KIAA1217: variants seen among roughly 807,000 people sequenced by gnomAD.
KIAA1217 encodes KIAA1217.
Under a neutral mutation model 163.9 loss-of-function variants are expected in KIAA1217, and 88 were observed. The observed-to-expected ratio is 0.54, with a 90% confidence interval of 0.45 to 0.64. The LOEUF (loss-of-function observed/expected upper bound fraction) is 0.64. Ranked by LOEUF, KIAA1217 falls within the 30% of genes least tolerant of loss-of-function variation. The pLI is 0.00. For missense variants in KIAA1217, 2,372 were observed against 2,475.0 expected (o/e 0.96, Z 0.88); for synonymous variants, 903 against 923.1 (o/e 0.98, Z 0.39).
intron 2 of KIAA1217, among the ~76,000 whole-genome samples, chr10:24,139,339 A>G (rs937886409): frequency 1.1e-4 from 16 of 152,042 alleles, no homozygotes; most frequent in Non-Finnish European, 1.9e-4. Context: ...TTTTGTCCAT[A>G]TTGGTGTGTG....
upstream of KIAA1217, among the ~76,000 whole-genome samples, chr10:24,205,302 CAAAAAAA>C (rs61292023): frequency 6.9e-3 from 253 of 36,604 alleles, 1 homozygote; most frequent in African/African-American, 0.016. Flanking sequence ...ACTAAAAATA[CAAAAAAA>C]AAAAAAAAAA....
intron 1 of KIAA1217, among the ~76,000 whole-genome samples, chr10:23,781,016 A>C (rs1454402200): frequency 6.6e-6 from 1 of 152,114 alleles, no homozygotes; most frequent in Non-Finnish European, 1.5e-5. Flanking sequence ...ATAGACAGCC[A>C]CTTAGGTTGT....
intron 8 of KIAA1217, among the ~76,000 whole-genome samples, chr10:24,501,094 A>C (rs1304602795): frequency 1.4e-5 from 2 of 140,776 alleles, no homozygotes; most frequent in Middle Eastern, 3.5e-3. Flanking sequence ...AAATAAAAAA[A>C]AAATAAACAA....
At position 23,769,570 on chromosome 10, in the gene KIAA1217, A is replaced by G. The variant is rs146329624; in HGVS notation, c.-321+74336A>G. On this transcript the variant is annotated intron_variant, in intron 1 of 18. Transcript: ENST00000376462. ...ATCTTTGTTCTAAATTATAAACTAT[A>G]AATTAAGTTCCTCCCCAAAGTTAGT... 1.2e-3 allele frequency among the ~76,000 whole-genome samples: 180 copies of G among 152,330 alleles called. 13 individuals are homozygous for G. The East Asian group carries it at 0.028, about 24-fold the overall frequency.
chr10:23,946,344 GA>G (rs938042397), intron 1 of KIAA1217, among the ~76,000 whole-genome samples: 3,766 of 146,900 alleles, frequency 0.026, 155 homozygotes, highest in African/African-American at 0.088. Flanking sequence ...TGGCATATAG[GA>G]AAAAAAAAAG....
chr10:23,761,680 G>C (rs1408738933), intron 1 of KIAA1217, among the ~76,000 whole-genome samples: 2 of 152,050 alleles, frequency 1.3e-5, no homozygotes, highest in Non-Finnish European at 2.9e-5. Flanking sequence ...CCCACTATAT[G>C]GTCGATTTTA....
chr10:23,903,923 G>A (rs957897606), intron 1 of KIAA1217, among the ~76,000 whole-genome samples: 1 of 152,104 alleles, frequency 6.6e-6, no homozygotes, highest in African/African-American at 2.4e-5. Flanking sequence ...TCAAGAGCTG[G>A]CAAACGAATT....
intron 3 of KIAA1217, among the ~76,000 whole-genome samples, chr10:24,417,872 T>TTG (rs397932616): frequency 6.6e-6 from 1 of 151,336 alleles, no homozygotes; most frequent in East Asian, 1.9e-4. Context: ...TTTTTTTTTT[T>TTG]GGTTATTAAC....
intron 2 of KIAA1217, 109 bp downstream of exon 2, chr10:24,220,018 C>A: frequency 2.6e-6 from 3 of 1,164,744 alleles, no homozygotes; most frequent in African/African-American, 1.6e-5. Flanking sequence ...GTGGACTGTG[C>A]ATACTATTTA....
Position 23,695,228 on chromosome 10 carries a change from GC to G in KIAA1217, c.-324del. On this transcript the variant is annotated 5_prime_UTR_variant, in exon 1 of 19. Transcript: ENST00000376462. This position sits in a 1 kb window ranked among gnomAD's most constrained non-coding sequence, Gnocchi z 4.9. ...GAGAGGCGAGGGGGCGGCAGCCTCG[GC>G]CCGAAGTAAGTGCAGCAGAAGTTTG... The G allele has an allele frequency of 6.5e-6, 1 of 152,796 alleles. No homozygotes were observed. The highest frequency in any genetic ancestry group is 2.4e-5 in the African/African-American group (1 of 41,584). 9.5% of individuals were successfully genotyped at this position (152,796 alleles called of 1,614,324 possible). A position where few individuals can be genotyped will look rare whatever the true frequency, so the allele number is the denominator to read the frequency against.
chr10:23,725,801 T>C (rs181027989), intron 1 of KIAA1217, among the ~76,000 whole-genome samples: 111 of 152,326 alleles, frequency 7.3e-4, no homozygotes, highest in African/African-American at 2.6e-3. Flanking sequence ...CTGTTATAAA[T>C]TGAGCACAAT....
At chr10:23,728,979 G>A (rs1224520382) in intron 1 of KIAA1217, among the ~76,000 whole-genome samples, 2 of 152,030 alleles carry the variant, frequency 1.3e-5, no homozygotes, top group Non-Finnish European at 2.9e-5. Context: ...CTCCCAACCC[G>A]ACTGACCTTT....
chr10:24,159,974 A>T (rs150488171), intron 2 of KIAA1217, among the ~76,000 whole-genome samples: 8 of 152,258 alleles, frequency 5.3e-5, no homozygotes, highest in African/African-American at 1.9e-4. Flanking sequence ...TTTTTTCCCC[A>T]TAGAATTGCC....
At chr10:23,853,899 C>T (rs933931626) in intron 1 of KIAA1217, among the ~76,000 whole-genome samples, 25 of 152,120 alleles carry the variant, frequency 1.6e-4, no homozygotes, top group African/African-American at 5.5e-4. Flanking sequence ...TTTGATTCTT[C>T]TCTCTTTTCT....
rs567949677 is a variant in KIAA1217 at position 24,018,670 on chromosome 10, T to G, written c.-171+11296T>G. 5.3e-5 allele frequency among the ~76,000 whole-genome samples: 8 copies of G among 152,038 alleles called. No individual in the cohort carries two copies. The South Asian group carries it at 1.2e-3, about 24-fold the overall frequency. ...GAGATATTCCTCAAAAAACTAAACT[T>G]AGAACTGCTATATGACCCAGCAATC... On this transcript the variant is annotated intron_variant, in intron 2 of 18. Coordinates refer to the KIAA1217 transcript ENST00000376462.
chr10:23,757,045 C>G (rs1564394848), intron 1 of KIAA1217, among the ~76,000 whole-genome samples: 2 of 152,148 alleles, frequency 1.3e-5, no homozygotes, highest in African/African-American at 4.8e-5. Flanking sequence ...TAGCACATGT[C>G]AGAATTTTCT....
chr10:24,201,876 C>A (rs891375708), intron 2 of KIAA1217, among the ~76,000 whole-genome samples: 3 of 152,188 alleles, frequency 2.0e-5, no homozygotes, highest in Non-Finnish European at 4.4e-5. Context: ...TACAGTGAGC[C>A]CTTTGAGTCT....
intron 1 of KIAA1217, among the ~76,000 whole-genome samples, chr10:23,915,722 G>A (rs1453650841): frequency 6.6e-6 from 1 of 152,172 alleles, no homozygotes; most frequent in Non-Finnish European, 1.5e-5. Context: ...GAGATGGAAT[G>A]GTAACCTAGG....
intron 1 of KIAA1217, among the ~76,000 whole-genome samples, chr10:23,855,678 T>C (rs1839618453): frequency 2.0e-5 from 3 of 152,250 alleles, no homozygotes; most frequent in African/African-American, 7.2e-5. Flanking sequence ...TCTTTTCATG[T>C]AGTCCCATAT....
Sources: allele counts gnomAD v4.1 joint callset (sites outside exome capture counted in the v4.1 genomes callset), GRCh38; gene constraint gnomAD v4.1.1; non-coding constraint Gnocchi (gnomAD v3.1); transcripts MANE v1.5; gene names NCBI Gene and HGNC (gene_info 2026-07-23, HGNC 2026-07-21).